Variants in TMEM68 observed in about 807,000 individuals in gnomAD.
TMEM68 encodes the protein DGAT1/2-independent enzyme synthesizing storage lipids.
A neutral mutation model predicts 36.9 loss-of-function variants in TMEM68; 25 were observed. The ratio of observed to expected loss-of-function variants is 0.68; its 90% CI spans 0.49 to 0.95. TMEM68 has a LOEUF of 0.95. Among genes scored for constraint, TMEM68 ranks in the 40% least tolerant of loss-of-function variants. TMEM68 has a pLI of 0.00. For synonymous variants in TMEM68, 131 were observed against 124.4 expected (o/e 1.05, Z -0.35); for missense variants, 333 against 392.0 (o/e 0.85, Z 1.27).
chr8:55,750,566 G>A, intron 5 of TMEM68, among the ~76,000 whole-genome samples: 1 of 132,704 alleles, frequency 7.5e-6, no homozygotes, highest in African/African-American at 2.8e-5. Flanking sequence ...TTCTGAGACA[G>A]TCTCACTCTG....
chr8:55,761,859 G>C (rs1258360661), intron 3 of TMEM68: 1 of 152,154 alleles, frequency 6.6e-6, no homozygotes, highest in Non-Finnish European at 1.5e-5. Context: ...AAACCACTGT[G>C]ATGCTCAACA....
At chr8:55,760,156 C>T (rs1455282800) in intron 3 of TMEM68, among the ~76,000 whole-genome samples, 2 of 152,244 alleles carry the variant, frequency 1.3e-5, no homozygotes, top group Admixed American at 6.5e-5. Flanking sequence ...CTTACAGCAA[C>T]GCTGTGCTGT....
chr8:55,755,206 T>C (rs1028984160), intron 4 of TMEM68, among the ~76,000 whole-genome samples: 3 of 151,420 alleles, frequency 2.0e-5, no homozygotes, highest in Non-Finnish European at 4.4e-5. Context: ...AAGTTACACA[T>C]GATAAGAGAC....
chr8:55,770,897 TG>T (rs1380023375), intron 1 of TMEM68, among the ~76,000 whole-genome samples: 1 of 152,200 alleles, frequency 6.6e-6, no homozygotes, highest in African/African-American at 2.4e-5. Flanking sequence ...GGCTCATGCC[TG>T]TAATCCCAGC....
intron 5 of TMEM68, among the ~76,000 whole-genome samples, chr8:55,748,869 G>A (rs1810357727): frequency 6.6e-6 from 1 of 152,160 alleles, no homozygotes; most frequent in South Asian, 2.1e-4. Context: ...GGGATGACAG[G>A]CATGAACCCA....
At position 55,745,046 on chromosome 8, in the gene TMEM68, C is replaced by A; in HGVS notation, c.748+15G>T. 1 of 1,461,598 alleles carries A rather than the reference C, an allele frequency of 6.8e-7. No individual in the cohort carries two copies. The highest frequency in any genetic ancestry group is 9.0e-7 in the Non-Finnish European group (1 of 1,107,068). 90.5% of individuals were successfully genotyped at this position (1,461,598 alleles called of 1,614,324 possible). A position where few individuals can be genotyped will look rare whatever the true frequency, so the allele number is the denominator to read the frequency against. ...AATTACATTGTAATTTAAAACCATA[C>A]AAATCAGAACTTACTTGTTCCTCCA... On this transcript the variant is annotated intron_variant, in intron 6 of 7. Transcript: ENST00000434581.
At chr8:55,771,643 A>T (rs540717695) in intron 1 of TMEM68, among the ~76,000 whole-genome samples, 4 of 152,298 alleles carry the variant, frequency 2.6e-5, no homozygotes. Flanking sequence ...TAAATAAATA[A>T]AGTATATCTA....
At position 55,746,317 on chromosome 8, in the gene TMEM68, C is replaced by CAAAAAAAA. The variant is rs376241142; in HGVS notation, c.688-1204_688-1197dup. 61 of 57,180 alleles carry CAAAAAAAA rather than the reference C, an allele frequency of 1.1e-3. 4 individuals carry two copies. The highest frequency in any genetic ancestry group is 2.2e-3 in the African/African-American group (29 of 13,040). The allele number at this position is 57,180 out of a possible 1,614,324, so 3.5% of individuals were successfully genotyped here. A position where few individuals can be genotyped will look rare whatever the true frequency, so the allele number is the denominator to read the frequency against. On this transcript the variant is annotated intron_variant, in intron 5 of 7. Transcript: ENST00000434581. The stretch of plus-strand genomic sequence containing the variant: ...GGCAATAGAGCGAGACACTGTCTCC[C>CAAAAAAAA]AAAAAAAAAAAAAAAAAAAAAAAAG...
chr8:55,758,289 CG>C (rs1810669223), intron 3 of TMEM68, among the ~76,000 whole-genome samples: 1 of 152,150 alleles, frequency 6.6e-6, no homozygotes, highest in African/African-American at 2.4e-5. Flanking sequence ...CACCTCCAAC[CG>C]ACCACCAATG....
At chr8:55,769,003 AAG>A (rs1251737213) in intron 1 of TMEM68, among the ~76,000 whole-genome samples, 1 of 128,930 alleles carries the variant, frequency 7.8e-6, no homozygotes, top group African/African-American at 3.1e-5. Context: ...GTGAAAGAGC[AAG>A]AGACTCTGTC....
chr8:55,752,519 C>T (rs573988786), intron 4 of TMEM68, among the ~76,000 whole-genome samples: 237 of 150,896 alleles, frequency 1.6e-3, no homozygotes, highest in Non-Finnish European at 1.4e-3. Flanking sequence ...ACCCGTGAGG[C>T]GGAGGTTGCA....
chr8:55,746,328 A>AAAG (rs1810276015), intron 5 of TMEM68: 3 of 150,030 alleles, frequency 2.0e-5, no homozygotes, highest in Non-Finnish European at 3.0e-5. Flanking sequence ...AAAAAAAAAA[A>AAAG]AAAAAAAAAA....
intron 1 of TMEM68, among the ~76,000 whole-genome samples, chr8:55,769,018 T>TTA (rs1554556017): frequency 0.043 from 3,503 of 82,114 alleles, 166 homozygotes; most frequent in African/African-American, 0.069. Context: ...ACTCTGTCTT[T>TTA]AAAAAAAAAA....
chr8:55,767,401 T>A (rs1466129559), intron 1 of TMEM68, among the ~76,000 whole-genome samples: 1 of 152,026 alleles, frequency 6.6e-6, no homozygotes, highest in Non-Finnish European at 1.5e-5. Context: ...AAGAACAGGT[T>A]TGAGGGTGGG....
chr8:55,739,992 G>T lies in TMEM68; in HGVS notation c.*140C>A, dbSNP rs974903509. 10 of 613,904 alleles carry T rather than the reference G, an allele frequency of 1.6e-5. No individual in the cohort carries two copies. In the East Asian group the frequency reaches 3.1e-4, roughly 19 times the overall value. 38.0% of individuals were successfully genotyped at this position (613,904 alleles called of 1,614,324 possible). On this transcript the variant is annotated 3_prime_UTR_variant, in exon 8 of 8. Transcript: ENST00000434581. ...ACAAAATTGACTATTTTAAAGAAAC[G>T]AATTCTGTGAAAGATGCTTATTAAC...
chr8:55,746,827 C>T (rs1343629442), intron 5 of TMEM68: 2 of 152,148 alleles, frequency 1.3e-5, no homozygotes, highest in Admixed American at 6.5e-5. Flanking sequence ...AGAAGGAAGA[C>T]GCCTAATATA....
At chr8:55,771,024 G>A (rs981937257) in intron 1 of TMEM68, among the ~76,000 whole-genome samples, 5 of 152,000 alleles carry the variant, frequency 3.3e-5, no homozygotes, top group South Asian at 2.1e-4. Context: ...GTGTGGTGGC[G>A]CATGCCTGTA....
Position 55,756,384 on chromosome 8 carries a change from AT to A in TMEM68, c.352del (p.Ile118TyrfsTer9). 6.3e-7 allele frequency: 1 copy of A among 1,583,856 alleles called. No homozygotes were observed. The highest frequency in any genetic ancestry group is 8.5e-7 in the Non-Finnish European group (1 of 1,170,862). On this transcript the variant is annotated frameshift_variant, in exon 4 of 8. Coordinates refer to ENST00000434581, the MANE Select transcript of TMEM68 (RefSeq NM_001286657.2). LOFTEE classifies it high-confidence loss of function. Reference protein sequence around the residue: ...HGYEVHGMEKIPEDGPALIIF... With the variant: ...HGYEVHGMEKXPEDGPALIIF... ...TATAAGTGCTGGTCCATCTTCTGGT[AT>A]TTTTTCCATTCCATGAACTTCATAA... is the stretch of plus-strand genomic sequence containing the variant.
intron 1 of TMEM68, among the ~76,000 whole-genome samples, chr8:55,766,906 A>T (rs1343656216): frequency 1.3e-5 from 2 of 152,232 alleles, no homozygotes; most frequent in Non-Finnish European, 2.9e-5. Flanking sequence ...TAATGCCAAC[A>T]GGATTTGCTA....
Sources: allele counts gnomAD v4.1 joint callset (sites outside exome capture counted in the v4.1 genomes callset), GRCh38; gene constraint gnomAD v4.1.1; transcripts MANE v1.5; gene names NCBI Gene and HGNC (gene_info 2026-07-23, HGNC 2026-07-21).